Variants in KAT7 observed in about 807,000 individuals in gnomAD.
The protein encoded by KAT7 is histone acetyltransferase KAT7.
In KAT7, 10 loss-of-function variants were observed where a neutral mutation model predicts 82.1. That is an observed-to-expected ratio of 0.12 (90% CI 0.08 to 0.21). The LOEUF (loss-of-function observed/expected upper bound fraction) is 0.21, where lower values mean the gene tolerates loss of function less well. KAT7 is among the 10% of genes least tolerant of loss of function. The pLI, the probability that KAT7 is intolerant of heterozygous loss-of-function variation, is 1.00. For missense variants in KAT7, 378 were observed against 760.9 expected, an observed-to-expected ratio of 0.50 and a Z score of 5.92; for synonymous variants, 250 against 262.5, an observed-to-expected ratio of 0.95 and a Z score of 0.46.
chr17:49,810,721 C>T lies in KAT7; in HGVS notation c.754-755C>T, dbSNP rs117856226. Among the ~76,000 whole-genome samples, 334 of 152,234 alleles carry T rather than the reference C, an allele frequency of 2.2e-3. 4 individuals carry two copies. In the East Asian group the frequency reaches 0.042, roughly 19 times the overall value. Reference sequence around the variant, plus strand: ...TTTATTCTTGTTGCTTTGGTGGAGACGTCTATCCTTAGTTTATGTTAGTAG... The same window carrying T: ...TTTATTCTTGTTGCTTTGGTGGAGATGTCTATCCTTAGTTTATGTTAGTAG... On this transcript the variant is annotated intron_variant, in intron 6 of 14. Coordinates refer to ENST00000259021, the MANE Select transcript of KAT7 (RefSeq NM_007067.5).
intron 2 of KAT7, among the ~76,000 whole-genome samples, chr17:49,795,028 T>C (rs1346178071): frequency 1.3e-5 from 2 of 151,742 alleles, no homozygotes; most frequent in African/African-American, 4.8e-5. Flanking sequence ...TTTTTAAATA[T>C]ACGTTGGGGG....
intron 9 of KAT7, among the ~76,000 whole-genome samples, chr17:49,818,927 C>T (rs1028447043): frequency 2.0e-5 from 3 of 152,094 alleles, no homozygotes; most frequent in Non-Finnish European, 4.4e-5. Flanking sequence ...TTAGTAGAGA[C>T]AGGGTTTCAC....
intron 12 of KAT7, chr17:49,824,847 T>TG (rs2074350153): frequency 6.6e-6 from 1 of 152,294 alleles, no homozygotes; most frequent in South Asian, 2.1e-4. Flanking sequence ...TACCGTTTTT[T>TG]GGGGGGCTAA....
At chr17:49,792,081 T>G (rs1409472664) in intron 2 of KAT7, 48 bp downstream of exon 2, 2 of 1,579,624 alleles carry the variant, frequency 1.3e-6, no homozygotes, top group African/African-American at 1.3e-5. Flanking sequence ...TCTGGCTGAC[T>G]GGCCCATCAC....
intron 4 of KAT7, among the ~76,000 whole-genome samples, chr17:49,801,744 C>T (rs2074027305): frequency 6.6e-6 from 1 of 152,222 alleles, no homozygotes; most frequent in South Asian, 2.1e-4. Flanking sequence ...CCCACCTCAG[C>T]CTCCCAAAGT....
intron 2 of KAT7, among the ~76,000 whole-genome samples, chr17:49,794,117 AATC>A (rs1567847191): frequency 6.6e-6 from 1 of 152,304 alleles, no homozygotes; most frequent in East Asian, 1.9e-4. Context: ...ATGATAGAAA[AATC>A]ATAGTTCCTG....
At chr17:49,796,676 T>C in intron 2 of KAT7, 74 bp from the exon 3 acceptor site, 1 of 1,205,192 alleles carries the variant, frequency 8.3e-7, no homozygotes, top group Non-Finnish European at 1.2e-6. Context: ...AGCGATATTC[T>C]GATAAATTAT....
In KAT7 at chr17:49,800,010, CTT is replaced by C. The variant is rs10694119; in HGVS notation, c.580+1470_580+1471del. On this transcript the variant is annotated intron_variant, in intron 4 of 14. Transcript: ENST00000259021. Reference sequence around the variant, plus strand: ...TAATTAATTTGGATTGTTTCCTGGCCTTTTTTTTTTTTTTTTTTTGAGACTGA... The same window carrying C: ...TAATTAATTTGGATTGTTTCCTGGCCTTTTTTTTTTTTTTTTTGAGACTGA... 9.3e-3 allele frequency among the ~76,000 whole-genome samples: 919 copies of C among 98,354 alleles called. 9 individuals carry two copies. The highest frequency in any genetic ancestry group is 0.015 in the Middle Eastern group (2 of 130). 64.5% of individuals were successfully genotyped at this position (98,354 alleles called of 152,430 possible).
chr17:49,797,125 G>A (rs1041319027), intron 3 of KAT7, among the ~76,000 whole-genome samples, 199 bp downstream of exon 3: 14 of 150,982 alleles, frequency 9.3e-5, no homozygotes, highest in Non-Finnish European at 1.9e-4. Context: ...GTGCAGTGGT[G>A]CAATCTTGGC....
intron 12 of KAT7, 46 bp from the exon 13 acceptor site, chr17:49,825,954 T>G (rs893023670): frequency 2.5e-6 from 4 of 1,576,458 alleles, no homozygotes; most frequent in African/African-American, 2.7e-5. Context: ...GCTATTAGGA[T>G]AAGATCGAGT....
intron 9 of KAT7, among the ~76,000 whole-genome samples, chr17:49,819,220 C>A (rs1275776731): frequency 6.6e-6 from 1 of 152,092 alleles, no homozygotes; most frequent in South Asian, 2.1e-4. Flanking sequence ...TTTTTATGTT[C>A]CCAGTTCAGG....
chr17:49,789,015 G>C (rs1478116613), intron 1 of KAT7, 166 bp downstream of exon 1: 1 of 539,350 alleles, frequency 1.9e-6, no homozygotes, highest in Non-Finnish European at 3.1e-6. Context: ...ATGTGGGCCC[G>C]ACCCTGGCCT....
chr17:49,804,460 A>G (rs550668702), intron 4 of KAT7, among the ~76,000 whole-genome samples: 1 of 151,860 alleles, frequency 6.6e-6, no homozygotes, highest in African/African-American at 2.4e-5. Flanking sequence ...TATTCCTAAC[A>G]TTTTTACGTC....
At chr17:49,807,652 G>A (rs982594320) in intron 5 of KAT7, among the ~76,000 whole-genome samples, 16 of 152,142 alleles carry the variant, frequency 1.1e-4, no homozygotes, top group African/African-American at 3.9e-4. Flanking sequence ...ATGGAGTGTG[G>A]GGGCAAGAGT....
chr17:49,788,955 CCCCGA>C, intron 1 of KAT7, 106 bp downstream of exon 1: 1 of 1,086,842 alleles, frequency 9.2e-7, no homozygotes, highest in Non-Finnish European at 1.3e-6. Context: ...CTTTCCGCTC[CCCCGA>C]ACCTTGTTCA....
chr17:49,814,064 G>GT (rs533037250), intron 7 of KAT7, among the ~76,000 whole-genome samples: 28 of 152,130 alleles, frequency 1.8e-4, no homozygotes, highest in African/African-American at 6.7e-4. Flanking sequence ...GCTGATTTTT[G>GT]TAATTTTAGT....
In KAT7 at chr17:49,834,445, T is replaced by A. The variant is rs1476282457; in HGVS notation, c.*6943T>A. The A allele has an allele frequency of 6.6e-6, 1 of 152,292 alleles. No homozygotes were observed. Among genetic ancestry groups the A allele is most frequent in the Non-Finnish European group, 1.5e-5 (1 of 68,082 alleles). 9.4% of individuals were successfully genotyped at this position (152,292 alleles called of 1,614,324 possible). On this transcript the variant is annotated 3_prime_UTR_variant, in exon 15 of 15. Transcript: ENST00000259021. ...CAGGCATGAGCCGCTGCGCCCAACC[T>A]TCTTCTGCTGTCGAGATACTGCTCA...
At position 49,817,940 on chromosome 17, in the gene KAT7, C is replaced by T. The variant is rs544484216; in HGVS notation, c.1084C>T (p.Leu362=). Residue 362 remains leucine, a synonymous_variant, in exon 9 of 15, where the codon CTG becomes TTG. Transcript: ENST00000259021. ...TCCATATCCTGAAGAATATGCACGG[C>T]TGGGACGTCTCTATATGTGTGAATT... is the stretch of plus-strand genomic sequence containing the variant. The part of the protein sequence containing the change: ...HSPYPEEYAR[L]GRLYMCEFCL... 22 of 1,613,348 alleles carry T rather than the reference C, an allele frequency of 1.4e-5. No individual in the cohort carries two copies. Among genetic ancestry groups the T allele is most frequent in the Non-Finnish European group, 1.6e-5 (19 of 1,179,436 alleles).
rs910141713 is a variant in KAT7, at chr17:49,833,660, AG to A, written c.*6159del. On this transcript the variant is annotated 3_prime_UTR_variant, in exon 15 of 15. Coordinates refer to ENST00000259021, the MANE Select transcript of KAT7 (RefSeq NM_007067.5). ...AGGAGAACCAAGGTGCTCTAGTCAC[AG>A]CACTAAAAGCCCAGACTTGTGTCTC... The A allele has an allele frequency of 2.6e-4, 40 of 152,356 alleles. No homozygotes were observed. The highest frequency in any genetic ancestry group is 9.4e-4 in the African/African-American group (39 of 41,574). 9.4% of individuals were successfully genotyped at this position (152,356 alleles called of 1,614,324 possible).
Sources: allele counts gnomAD v4.1 joint callset (sites outside exome capture counted in the v4.1 genomes callset), GRCh38; gene constraint gnomAD v4.1.1; transcripts MANE v1.5; gene names NCBI Gene and HGNC (gene_info 2026-07-23, HGNC 2026-07-21).